Variants in DZIP3 observed in about 807,000 individuals in gnomAD.
DZIP3 encodes DAZ interacting zinc finger protein 3.
A neutral mutation model predicts 162.0 loss-of-function variants in DZIP3; 118 were observed. That is an observed-to-expected ratio of 0.73 (90% CI 0.63 to 0.85). DZIP3 has a LOEUF of 0.85. Among genes scored for constraint, DZIP3 ranks in the 40% least tolerant of loss-of-function variants. DZIP3 has a pLI of 0.00. For synonymous variants in DZIP3, 438 were observed against 458.6 expected, an observed-to-expected ratio of 0.96 and a Z score of 0.57; for missense variants, 1,331 against 1,407.0, an observed-to-expected ratio of 0.95 and a Z score of 0.86.
At position 108,616,618 on chromosome 3, in the gene DZIP3, A is replaced by G. The variant is rs759187615; in HGVS notation, c.336A>G (p.Leu112=). ...CTTTACGTTTCTTGATTACACAGCT[A>G]GAAGCAGCACTTAGGAACATTCAAG... The part of the protein sequence containing the change: ...ALTLRFLITQ[L]EAALRNIQAG... The change falls in exon 5 of 33, where the codon CTA becomes CTG. Residue 112 remains leucine, a synonymous_variant. Transcript: ENST00000361582. 9 of 1,608,598 alleles carry G rather than the reference A, an allele frequency of 5.6e-6. No individual in the cohort carries two copies. Among genetic ancestry groups the G allele is most frequent in the Non-Finnish European group, 3.4e-6 (4 of 1,177,678 alleles).
At position 108,631,055 on chromosome 3, in the gene DZIP3, A is replaced by ACACACACACACACACACACT; in HGVS notation, c.696+1880_696+1881insACACACACACACACACACTC. ...CACACACACACACACACACACACAC[A>ACACACACACACACACACACT]CTCTCTCTCTCTCTCTCTCTCTCTC... is the stretch of plus-strand genomic sequence containing the variant. On this transcript the variant is annotated intron_variant, in intron 8 of 32. Coordinates refer to ENST00000361582, the MANE Select transcript of DZIP3 (RefSeq NM_014648.4). Among the ~76,000 whole-genome samples, 23 of 18,016 alleles carry ACACACACACACACACACACT rather than the reference A, an allele frequency of 1.3e-3. 1 individual carries two copies. Among genetic ancestry groups the ACACACACACACACACACACT allele is most frequent in the Non-Finnish European group, 1.9e-3 (21 of 11,164 alleles). 11.8% of individuals were successfully genotyped at this position (18,016 alleles called of 152,430 possible). A position where few individuals can be genotyped will look rare whatever the true frequency, so the allele number is the denominator to read the frequency against.
intron 5 of DZIP3, among the ~76,000 whole-genome samples, chr3:108,618,641 C>T (rs1437602463): frequency 1.3e-5 from 2 of 152,148 alleles, no homozygotes; most frequent in Non-Finnish European, 2.9e-5. Flanking sequence ...CAAGAACAAA[C>T]ACACGTCTAT....
At chr3:108,633,134 A>G in intron 9 of DZIP3, 62 bp downstream of exon 9, 1 of 750,594 alleles carries the variant, frequency 1.3e-6, no homozygotes, top group Non-Finnish European at 1.8e-6. Flanking sequence ...ATATAACTAT[A>G]TAAAATAATA....
Position 108,656,830 on chromosome 3 carries a change from CTA to C in DZIP3, c.2199+2522_2199+2523del, listed in dbSNP as rs1943146684. On this transcript the variant is annotated intron_variant, in intron 19 of 32. Coordinates refer to ENST00000361582, the MANE Select transcript of DZIP3 (RefSeq NM_014648.4). Reference sequence around the variant, plus strand: ...GGAGCTGAAAACCACAGCACAAGAACTATGTGACGAATGCACAAGCCTCAGTA... The same window carrying C: ...GGAGCTGAAAACCACAGCACAAGAACTGTGACGAATGCACAAGCCTCAGTA... Among the ~76,000 whole-genome samples the C allele has an allele frequency of 2.0e-5, 3 of 152,262 alleles. No individual in the cohort carries two copies. The East Asian group carries it at 5.8e-4, about 29-fold the overall frequency.
At chr3:108,590,389 T>C (rs1939323642) in intron 1 of DZIP3, among the ~76,000 whole-genome samples, 1 of 152,238 alleles carries the variant, frequency 6.6e-6, no homozygotes, top group Non-Finnish European at 1.5e-5. Flanking sequence ...AGAATTTTTT[T>C]GAATTACTAG....
intron 5 of DZIP3, among the ~76,000 whole-genome samples, chr3:108,621,495 A>G (rs1941340957): frequency 6.6e-6 from 1 of 152,206 alleles, no homozygotes; most frequent in Non-Finnish European, 1.5e-5. Flanking sequence ...TGTTGACTGT[A>G]TACTCATTTC....
At chr3:108,622,870 C>G (rs1441431413) in intron 5 of DZIP3, among the ~76,000 whole-genome samples, 4 of 127,024 alleles carry the variant, frequency 3.1e-5, no homozygotes, top group African/African-American at 1.2e-4. Context: ...CTCTCTCTCT[C>G]TCTCTCTCTC....
chr3:108,591,246 G>A (rs950824247), intron 1 of DZIP3, among the ~76,000 whole-genome samples: 3 of 152,252 alleles, frequency 2.0e-5, no homozygotes, highest in African/African-American at 7.2e-5. Flanking sequence ...ACGAGGAGGA[G>A]AGGAGTAGAG....
intron 3 of DZIP3, among the ~76,000 whole-genome samples, chr3:108,610,941 C>T (rs1047704678): frequency 6.6e-6 from 1 of 152,066 alleles, no homozygotes; most frequent in Non-Finnish European, 1.5e-5. Context: ...ATGTAAAAAG[C>T]ACATTTAGAT....
intron 4 of DZIP3, 74 bp from the exon 5 acceptor site, chr3:108,616,463 GAATT>G: frequency 1.0e-6 from 1 of 959,842 alleles, no homozygotes. Flanking sequence ...CAATGAGCAT[GAATT>G]ATTTGTATAA....
At chr3:108,613,271 G>A (rs1940820815) in intron 4 of DZIP3, among the ~76,000 whole-genome samples, 2 of 152,008 alleles carry the variant, frequency 1.3e-5, no homozygotes, top group Non-Finnish European at 2.9e-5. Flanking sequence ...GGTTAGTGTC[G>A]CTAAATGCTA....
chr3:108,622,908 C>T (rs1941431571), intron 5 of DZIP3, among the ~76,000 whole-genome samples: 1 of 123,082 alleles, frequency 8.1e-6, no homozygotes, highest in South Asian at 2.7e-4. Context: ...ATGGAGCTGC[C>T]TGGAGCTGGG....
At chr3:108,652,050 T>G (rs1428573881) in intron 18 of DZIP3, among the ~76,000 whole-genome samples, 26 of 151,820 alleles carry the variant, frequency 1.7e-4, no homozygotes, top group Admixed American at 1.7e-3. Context: ...ATAGTTTTGT[T>G]TTGTTTTGTT....
chr3:108,628,975 A>G (rs980918180), intron 7 of DZIP3, 87 bp from the exon 8 acceptor site: 2 of 777,150 alleles, frequency 2.6e-6, no homozygotes, highest in African/African-American at 3.6e-5. Flanking sequence ...TATTTACCAC[A>G]AAAAAAGGGT....
At chr3:108,590,605 A>G (rs781198598) in intron 1 of DZIP3, among the ~76,000 whole-genome samples, 1 of 152,166 alleles carries the variant, frequency 6.6e-6, no homozygotes, top group Non-Finnish European at 1.5e-5. Context: ...GAGATGAAGT[A>G]GTATCCCCTG....
intron 1 of DZIP3, among the ~76,000 whole-genome samples, chr3:108,594,437 C>T (rs994486378): frequency 2.3e-5 from 3 of 128,180 alleles, no homozygotes; most frequent in Admixed American, 8.3e-5. Flanking sequence ...TCCCTGCTCC[C>T]CCCCCATATA....
chr3:108,675,106 C>T (rs923184564), intron 24 of DZIP3, among the ~76,000 whole-genome samples: 4 of 151,738 alleles, frequency 2.6e-5, no homozygotes, highest in Non-Finnish European at 4.4e-5. Flanking sequence ...GTGATACTGG[C>T]GTGGGATGTT....
intron 5 of DZIP3, among the ~76,000 whole-genome samples, chr3:108,622,046 A>T (rs976235033): frequency 1.3e-5 from 2 of 151,994 alleles, no homozygotes; most frequent in Non-Finnish European, 2.9e-5. Flanking sequence ...AAAAAAAAAA[A>T]TTAAAATAAT....
chr3:108,610,267 G>T (rs775612950), intron 3 of DZIP3, among the ~76,000 whole-genome samples: 2 of 152,178 alleles, frequency 1.3e-5, no homozygotes, highest in Non-Finnish European at 2.9e-5. Flanking sequence ...CCTCCTACAA[G>T]TGGATACCGA....
Sources: gnomAD v4.1 joint callset for allele counts (sites outside exome capture counted in the v4.1 genomes callset) on GRCh38, gnomAD v4.1.1 for gene constraint, MANE v1.5 for transcripts, NCBI Gene and HGNC (gene_info 2026-07-23, HGNC 2026-07-21) for gene names.